Variants in DLG1 observed in about 807,000 individuals in gnomAD.
DLG1 encodes disks large homolog 1.
Under a neutral mutation model 123.4 loss-of-function variants are expected in DLG1, and 42 were observed. The observed-to-expected ratio is 0.34, with a 90% confidence interval of 0.27 to 0.44. The LOEUF (loss-of-function observed/expected upper bound fraction) is 0.44, where lower values mean the gene tolerates loss of function less well. Ranked by LOEUF, DLG1 falls within the 20% of genes least tolerant of loss-of-function variation. The pLI is 1.00. For synonymous variants in DLG1, 317 were observed against 356.2 expected, an observed-to-expected ratio of 0.89 and a Z score of 1.24; for missense variants, 942 against 1,082.6, an observed-to-expected ratio of 0.87 and a Z score of 1.82.
In DLG1 at chr3:197,140,152, T is replaced by C. The variant is rs200110103; in HGVS notation, c.701A>G (p.Asp234Gly). ...GCGCAAAACATACCGCAATCTTCCA[T>C]CTTGGGCGGCTGCTCCCCCTGTGAT... ...KIITGGAAAQDGRLRVNDCIL... is the reference protein window; with the variant it reads ...KIITGGAAAQGGRLRVNDCIL... Residue 234 changes from aspartate to glycine, a missense_variant, in exon 8 of 25, where the codon GAT (aspartate) becomes GGT (glycine). Physicochemically the swap from Asp to Gly is moderately conservative, Grantham distance 94. Transcript: ENST00000667157. The C allele has an allele frequency of 1.3e-4, 205 of 1,613,284 alleles. No homozygotes were observed. Among genetic ancestry groups the C allele is most frequent in the Admixed American group, 8.8e-4 (53 of 59,894 alleles).
intron 4 of DLG1, among the ~76,000 whole-genome samples, chr3:197,234,786 C>G (rs769535217): frequency 6.6e-6 from 1 of 152,092 alleles, no homozygotes; most frequent in Non-Finnish European, 1.5e-5. Context: ...TCTGAGTTTA[C>G]ATGAGACTTA....
intron 11 of DLG1, among the ~76,000 whole-genome samples, chr3:197,120,708 A>C (rs1775887222): frequency 6.6e-6 from 1 of 152,244 alleles, no homozygotes. Flanking sequence ...ATAAAGGAAT[A>C]AAGTGAACTG....
At chr3:197,248,991 A>C (rs1383318289) in intron 4 of DLG1, among the ~76,000 whole-genome samples, 2 of 152,240 alleles carry the variant, frequency 1.3e-5, no homozygotes, top group African/African-American at 4.8e-5. Context: ...CAAAAAATAA[A>C]AAAATGAGAA....
At chr3:197,073,313 T>C (rs1260736126) in intron 18 of DLG1, among the ~76,000 whole-genome samples, 1 of 152,220 alleles carries the variant, frequency 6.6e-6, no homozygotes, top group East Asian at 1.9e-4. Flanking sequence ...CATGGAAAGT[T>C]GTAAAAATGG....
rs1172011512 is a variant in DLG1 at position 197,043,018 on chromosome 3, T to A, written c.*1605A>T. 24 of 152,268 alleles carry A rather than the reference T, an allele frequency of 1.6e-4. No homozygotes were observed. Among genetic ancestry groups the A allele is most frequent in the Admixed American group, 1.6e-3 (24 of 15,282 alleles). The allele number at this position is 152,268 out of a possible 1,614,324, so 9.4% of individuals were successfully genotyped here. A position where few individuals can be genotyped will look rare whatever the true frequency, so the allele number is the denominator to read the frequency against. On this transcript the variant is annotated 3_prime_UTR_variant, in exon 25 of 25. Coordinates refer to ENST00000667157, the MANE Select transcript of DLG1 (RefSeq NM_001366207.1). ...AATTCTTTACAAACCAGTACTCATT[T>A]AAGAAACTAATGAGGAGGTTGTCAA...
intron 2 of DLG1, chr3:197,296,734 TG>T (rs527477194): frequency 3.5e-4 from 142 of 401,832 alleles, no homozygotes; most frequent in African/African-American, 2.7e-3. Context: ...AAATGTGTAC[TG>T]GTAGTTTGCC....
chr3:197,067,188 C>T (rs1740193199), intron 19 of DLG1, among the ~76,000 whole-genome samples: 1 of 151,782 alleles, frequency 6.6e-6, no homozygotes, highest in African/African-American at 2.4e-5. Context: ...ATACTGAATA[C>T]AGTATATTTT....
At chr3:197,165,598 T>C (rs184879947) in intron 5 of DLG1, among the ~76,000 whole-genome samples, 3 of 152,342 alleles carry the variant, frequency 2.0e-5, no homozygotes, top group African/African-American at 7.2e-5. Context: ...ACCATTTATA[T>C]ATTGTTCCTG....
chr3:197,251,307 C>T (rs338200), intron 4 of DLG1, among the ~76,000 whole-genome samples: 87,342 of 151,772 alleles, frequency 0.58, 25,454 homozygotes, highest in East Asian at 0.79. Flanking sequence ...AGAAAAAAAA[C>T]CCTAAAAATT....
chr3:197,284,007 C>T (rs751765092), intron 3 of DLG1, among the ~76,000 whole-genome samples: 9 of 151,826 alleles, frequency 5.9e-5, no homozygotes, highest in South Asian at 2.1e-4. Flanking sequence ...ACTTCAGGCA[C>T]GTGCCACCAT....
At chr3:197,051,732 A>G in intron 23 of DLG1, 64 bp from the exon 24 acceptor site, 1 of 1,272,450 alleles carries the variant, frequency 7.9e-7, no homozygotes, top group African/African-American at 1.5e-5. Context: ...AAAAGATGGC[A>G]AAGGAGAGAT....
intron 4 of DLG1, among the ~76,000 whole-genome samples, chr3:197,221,567 A>G (rs1225612405): frequency 6.6e-6 from 1 of 152,118 alleles, no homozygotes; most frequent in Non-Finnish European, 1.5e-5. Context: ...ACAGGAAGCA[A>G]ACACTCAATA....
At chr3:197,201,453 T>C (rs1280637659) in intron 4 of DLG1, among the ~76,000 whole-genome samples, 1 of 152,144 alleles carries the variant, frequency 6.6e-6, no homozygotes, top group Non-Finnish European at 1.5e-5. Context: ...GGTAAATGAA[T>C]TCAGTAAAGT....
At chr3:197,163,810 T>A (rs1799934012) in intron 5 of DLG1, among the ~76,000 whole-genome samples, 1 of 151,178 alleles carries the variant, frequency 6.6e-6, no homozygotes, top group Non-Finnish European at 1.5e-5. Context: ...GTGTTGAGAT[T>A]ACAGGTGTGA....
intron 11 of DLG1, among the ~76,000 whole-genome samples, chr3:197,123,791 A>T (rs773571045): frequency 2.0e-5 from 3 of 152,222 alleles, no homozygotes; most frequent in Non-Finnish European, 4.4e-5. Context: ...CAGCAGCTAC[A>T]CTCATAAAAG....
At chr3:197,137,970 TCAAAAAAACAAA>T (rs1785935449) in intron 9 of DLG1, among the ~76,000 whole-genome samples, 1 of 87,808 alleles carries the variant, frequency 1.1e-5, no homozygotes, top group East Asian at 3.8e-4. Flanking sequence ...AAACCCTGCC[TCAAAAAAACAAA>T]CAAAAAAACC....
chr3:197,211,026 AAATT>A (rs1230699483), intron 4 of DLG1, among the ~76,000 whole-genome samples: 3 of 145,788 alleles, frequency 2.1e-5, no homozygotes, highest in African/African-American at 2.4e-5. Context: ...TCTAAAAAAT[AAATT>A]AATGTAATTC....
chr3:197,146,178 C>T (rs1456812870), intron 6 of DLG1, among the ~76,000 whole-genome samples: 1 of 151,950 alleles, frequency 6.6e-6, no homozygotes, highest in Non-Finnish European at 1.5e-5. Context: ...AAAACACATC[C>T]CAAGCTCATG....
At position 197,274,523 on chromosome 3, in the gene DLG1, G is replaced by A. The variant is rs567620555; in HGVS notation, c.318+8156C>T. 9.3e-4 allele frequency among the ~76,000 whole-genome samples: 141 copies of A among 152,212 alleles called. 1 individual carries two copies. Among genetic ancestry groups the A allele is most frequent in the African/African-American group, 3.0e-3 (126 of 41,528 alleles). ...GACACGACACGACACGACACGATAC[G>A]ATACGAAAACATTGGGGAAATGCTT... On this transcript the variant is annotated intron_variant, in intron 4 of 24. Transcript: ENST00000667157.
Sources: gnomAD v4.1 joint callset for allele counts (sites outside exome capture counted in the v4.1 genomes callset) on GRCh38, gnomAD v4.1.1 for gene constraint, MANE v1.5 for transcripts, NCBI Gene and HGNC (gene_info 2026-07-23, HGNC 2026-07-21) for gene names.